The following UGT2B17 variants were observed in gnomAD, a reference collection of about 807,000 sequenced individuals.
UGT2B17 encodes UDP-glucuronosyltransferase 2B17.
A neutral mutation model predicts 48.2 loss-of-function variants in UGT2B17; 21 were observed. The observed-to-expected ratio is 0.44, with a 90% CI of 0.31 to 0.63. The LOEUF is 0.63. Among genes scored for constraint, UGT2B17 ranks in the 20% least tolerant of loss-of-function variants. The pLI, the probability that UGT2B17 is intolerant of heterozygous loss-of-function variation, is 0.08. For synonymous variants in UGT2B17, 146 were observed against 238.4 expected, an observed-to-expected ratio of 0.61 and a Z score of 3.57; for missense variants, 402 against 696.1, an observed-to-expected ratio of 0.58 and a Z score of 4.75.
intron 4 of UGT2B17, among the ~76,000 whole-genome samples, chr4:68,559,735 A>G (rs1167839137): frequency 7.9e-6 from 1 of 126,080 alleles, no homozygotes; most frequent in Non-Finnish European, 1.7e-5. Context: ...TACCATGTTT[A>G]TTTATAGTTC....
intron 1 of UGT2B17, 95 bp from the exon 2 acceptor site, chr4:68,568,643 AT>A: frequency 1.3e-6 from 1 of 759,764 alleles, no homozygotes; most frequent in Non-Finnish European, 1.7e-6. Flanking sequence ...TATATTTACA[AT>A]TACTCTAGTC....
At chr4:68,570,120 A>G (rs1731276078) in intron 1 of UGT2B17, among the ~76,000 whole-genome samples, 1 of 126,892 alleles carries the variant, frequency 7.9e-6, no homozygotes, top group Non-Finnish European at 1.7e-5. Context: ...ACCAAGTTGT[A>G]GAAGGAAGGG....
intron 1 of UGT2B17, among the ~76,000 whole-genome samples, chr4:68,571,292 C>A (rs1482151580): frequency 1.6e-5 from 2 of 125,054 alleles, no homozygotes; most frequent in Non-Finnish European, 3.4e-5. Context: ...TTTTTATGGG[C>A]AGTAAGAAGA....
intron 6 of UGT2B17, among the ~76,000 whole-genome samples, chr4:68,541,559 G>A (rs1730656721): frequency 7.9e-6 from 1 of 125,998 alleles, no homozygotes; most frequent in Non-Finnish European, 1.7e-5. Flanking sequence ...TTGTCAGAGG[G>A]ATAGATTGCA....
rs1409480613 is a variant in UGT2B17, at chr4:68,558,262, T to G, written c.1005+2275A>C. Among the ~76,000 whole-genome samples, 2 of 124,860 alleles carry G rather than the reference T, an allele frequency of 1.6e-5. 1 individual carries two copies. The highest frequency in any genetic ancestry group is 3.4e-5 in the Non-Finnish European group (2 of 58,856). 81.9% of individuals were successfully genotyped at this position (124,860 alleles called of 152,430 possible). A position where few individuals can be genotyped will look rare whatever the true frequency, so the allele number is the denominator to read the frequency against. On this transcript the variant is annotated intron_variant, in intron 4 of 6. Transcript: ENST00000317746. ...GTTGTTAGATTCTAGTCTTGCCTAA[T>G]GTTTTTCAATTTTTATTACTGTCTA... is the stretch of plus-strand genomic sequence containing the variant.
rs1049502988 is a variant in UGT2B17 at position 68,576,224 on chromosome 4, G to A, written c.-338C>T. Among the ~76,000 whole-genome samples the A allele has an allele frequency of 8.0e-6, 1 of 125,702 alleles. No homozygotes were observed. The highest frequency in any genetic ancestry group is 1.7e-5 in the Non-Finnish European group (1 of 59,402). The allele number at this position is 125,702 out of a possible 152,430, so 82.5% of individuals were successfully genotyped here. A position where few individuals can be genotyped will look rare whatever the true frequency, so the allele number is the denominator to read the frequency against. Reference sequence around the variant, plus strand: ...GTCAGGGAGCCAAGAAATGTAGCAGGACGAGCCACAGACAAAACCTCTCAG... The same window carrying A: ...GTCAGGGAGCCAAGAAATGTAGCAGAACGAGCCACAGACAAAACCTCTCAG... On this transcript the variant is annotated 5_prime_UTR_variant, in exon 1 of 7. Coordinates refer to ENST00000317746, the MANE Select transcript of UGT2B17 (RefSeq NM_001077.4).
chr4:68,542,015 G>T lies in UGT2B17; in HGVS notation c.1314-4111C>A, dbSNP rs184164178. Among the ~76,000 whole-genome samples, 5 of 124,652 alleles carry T rather than the reference G, an allele frequency of 4.0e-5. 2 individuals are homozygous for T. Among genetic ancestry groups the T allele is most frequent in the Non-Finnish European group, 8.4e-5 (5 of 59,206 alleles). 81.8% of individuals were successfully genotyped at this position (124,652 alleles called of 152,430 possible). ...TCCATTGGTCTATATGTCTGCTTTT[G>T]TTCCAGTACTATGCTGGTTTGGTTA... On this transcript the variant is annotated intron_variant, in intron 6 of 6. Coordinates refer to ENST00000317746, the MANE Select transcript of UGT2B17 (RefSeq NM_001077.4).
At chr4:68,547,516 C>T (rs564024523) in intron 6 of UGT2B17, among the ~76,000 whole-genome samples, 5,022 of 123,654 alleles carry the variant, frequency 0.041, 1,132 homozygotes, top group African/African-American at 0.12. Flanking sequence ...TAGGCATGGG[C>T]AAGGACTTCA....
chr4:68,555,130 T>A lies in UGT2B17; in HGVS notation c.1006-3219A>T, dbSNP rs769840288. 7.0e-4 allele frequency among the ~76,000 whole-genome samples: 88 copies of A among 126,102 alleles called. 24 individuals are homozygous for A. Among genetic ancestry groups the A allele is most frequent in the Non-Finnish European group, 1.0e-3 (61 of 59,422 alleles). 82.7% of individuals were successfully genotyped at this position (126,102 alleles called of 152,430 possible). On this transcript the variant is annotated intron_variant, in intron 4 of 6. Transcript: ENST00000317746. Reference sequence around the variant, plus strand: ...AACAATTATTGATAAAGTATGATAATATTAGAAATGCATTAAGACTTGCCA... The same window carrying A: ...AACAATTATTGATAAAGTATGATAAAATTAGAAATGCATTAAGACTTGCCA...
At chr4:68,563,361 G>A (rs1731137195) in intron 3 of UGT2B17, among the ~76,000 whole-genome samples, 1 of 127,216 alleles carries the variant, frequency 7.9e-6, no homozygotes, top group Non-Finnish European at 1.7e-5. Flanking sequence ...TGTAATCCCA[G>A]CACTTTGGAA....
intron 4 of UGT2B17, among the ~76,000 whole-genome samples, chr4:68,559,223 G>T (rs1349796629): frequency 8.0e-6 from 1 of 124,958 alleles, no homozygotes; most frequent in African/African-American, 2.7e-5. Flanking sequence ...GATTACAAAA[G>T]ACTAAATACT....
At chr4:68,548,604 A>T (rs1730863213) in intron 6 of UGT2B17, among the ~76,000 whole-genome samples, 1 of 125,044 alleles carries the variant, frequency 8.0e-6, no homozygotes, top group African/African-American at 2.7e-5. Context: ...CAGCATGGCC[A>T]TTTTTACAAT....
At chr4:68,568,583 C>T (rs1312032472) in intron 1 of UGT2B17, 35 bp from the exon 2 acceptor site, 4 of 1,206,256 alleles carry the variant, frequency 3.3e-6, no homozygotes, top group Non-Finnish European at 3.1e-6. Context: ...AATATAACTG[C>T]TAAAATTTGA....
chr4:68,565,010 T>G (rs1313777687), intron 3 of UGT2B17, among the ~76,000 whole-genome samples: 2 of 126,508 alleles, frequency 1.6e-5, no homozygotes, highest in African/African-American at 5.4e-5. Context: ...GCCTGGCCTC[T>G]GGTTTTCTTT....
chr4:68,559,462 A>G (rs1295103553), intron 4 of UGT2B17, among the ~76,000 whole-genome samples: 1 of 125,824 alleles, frequency 7.9e-6, no homozygotes, highest in Non-Finnish European at 1.7e-5. Context: ...GCCTTGATAT[A>G]TGGTCAGCTA....
At chr4:68,547,728 AG>A (rs1305537077) in intron 6 of UGT2B17, among the ~76,000 whole-genome samples, 1 of 77,594 alleles carries the variant, frequency 1.3e-5, no homozygotes, top group Non-Finnish European at 3.6e-5. Context: ...CAAATTTACA[AG>A]AAAAAAACAA....
chr4:68,570,889 A>G (rs1439607074), intron 1 of UGT2B17, among the ~76,000 whole-genome samples: 1 of 126,004 alleles, frequency 7.9e-6, no homozygotes, highest in African/African-American at 2.7e-5. Flanking sequence ...CATATTTTTA[A>G]CTATGTCTTT....
chr4:68,553,372 T>G (rs1458157817), intron 4 of UGT2B17, among the ~76,000 whole-genome samples: 1 of 126,918 alleles, frequency 7.9e-6, no homozygotes, highest in Non-Finnish European at 1.7e-5. Context: ...ACCCTATACC[T>G]CCTTTTGTCT....
rs1168653890 is a variant in UGT2B17 at position 68,541,286 on chromosome 4, T to C, written c.1314-3382A>G. On this transcript the variant is annotated intron_variant, in intron 6 of 6. Coordinates refer to ENST00000317746, the MANE Select transcript of UGT2B17 (RefSeq NM_001077.4). ...CCAAAAATGTAAAAGTTTTCCTATA[T>C]CTCCCCAGTTTCACCAGCATCTGTT... is the stretch of plus-strand genomic sequence containing the variant. Among the ~76,000 whole-genome samples, 4 of 126,418 alleles carry C rather than the reference T, an allele frequency of 3.2e-5. 2 individuals carry two copies. The highest frequency in any genetic ancestry group is 6.7e-5 in the Non-Finnish European group (4 of 59,730). The allele number at this position is 126,418 out of a possible 152,430, so 82.9% of individuals were successfully genotyped here. A position where few individuals can be genotyped will look rare whatever the true frequency, so the allele number is the denominator to read the frequency against.
Sources: allele counts gnomAD v4.1 joint callset (sites outside exome capture counted in the v4.1 genomes callset), GRCh38; gene constraint gnomAD v4.1.1; transcripts MANE v1.5; gene names NCBI Gene and HGNC (gene_info 2026-07-23, HGNC 2026-07-21).